Variants in SDCCAG8 observed in about 807,000 individuals in gnomAD.
SDCCAG8 encodes serologically defined colon cancer antigen 8.
SDCCAG8 carries 74 observed loss-of-function variants against 101.8 expected under a neutral mutation model. The observed-to-expected ratio is 0.73, with a 90% confidence interval of 0.60 to 0.88. The LOEUF (loss-of-function observed/expected upper bound fraction) is 0.88. Among genes scored for constraint, SDCCAG8 ranks in the 40% least tolerant of loss-of-function variants. The pLI, the probability that SDCCAG8 is intolerant of heterozygous loss-of-function variation, is 0.00. For synonymous variants in SDCCAG8, 281 were observed against 292.9 expected (o/e 0.96, Z 0.41); for missense variants, 787 against 822.6 (o/e 0.96, Z 0.53).
Position 243,332,454 on chromosome 1 carries a change from GTCTGGAGGTGATTATCATAATCCCCC to G in SDCCAG8, c.1221+1786_1221+1811del, listed in dbSNP as rs1460055115. 2.4e-4 allele frequency among the ~76,000 whole-genome samples: 37 copies of G among 151,714 alleles called. No individual in the cohort carries two copies. In the South Asian group the frequency reaches 5.4e-3, roughly 22 times the overall value. On this transcript the variant is annotated intron_variant, in intron 10 of 17. Transcript: ENST00000366541. ...GGTCTGGAGGTGACTCACAGTCCAGGTCTGGAGGTGATTATCATAATCCCCCTCTGGAGGTGATTATCATAATCCAG... is the reference window on the plus strand; with the variant it reads ...GGTCTGGAGGTGACTCACAGTCCAGGTCTGGAGGTGATTATCATAATCCAG...
chr1:243,281,049 C>T (rs1384525357), intron 4 of SDCCAG8, among the ~76,000 whole-genome samples: 1 of 152,100 alleles, frequency 6.6e-6, no homozygotes, highest in Non-Finnish European at 1.5e-5. Flanking sequence ...CATTTTGATA[C>T]ACTTTTATTA....
intron 6 of SDCCAG8, among the ~76,000 whole-genome samples, chr1:243,298,486 T>C (rs2071185443): frequency 6.6e-6 from 1 of 150,418 alleles, no homozygotes. Context: ...GCCAGCTAAC[T>C]TTGTATTTTT....
chr1:243,466,501 A>G lies in SDCCAG8; in HGVS notation c.1986-22513A>G, dbSNP rs371853733. Reference sequence around the variant, plus strand: ...GTGCTATGCGATTTTAGGGCAAGCTACTTAACATGGGAGTAAACTTCTTCA... The same window carrying G: ...GTGCTATGCGATTTTAGGGCAAGCTGCTTAACATGGGAGTAAACTTCTTCA... On this transcript the variant is annotated intron_variant, in intron 16 of 17. Transcript: ENST00000366541. Among the ~76,000 whole-genome samples, 187 of 152,358 alleles carry G rather than the reference A, an allele frequency of 1.2e-3. 1 individual carries two copies. The highest frequency in any genetic ancestry group is 4.3e-3 in the African/African-American group (179 of 41,588).
At chr1:243,334,173 T>C (rs1442699072) in intron 10 of SDCCAG8, among the ~76,000 whole-genome samples, 1 of 152,176 alleles carries the variant, frequency 6.6e-6, no homozygotes, top group Non-Finnish European at 1.5e-5. Context: ...TCTATCCTAC[T>C]GCTACCATAT....
intron 2 of SDCCAG8, 77 bp from the exon 3 acceptor site, chr1:243,270,901 A>G (rs2068028303): frequency 1.0e-6 from 1 of 1,004,614 alleles, no homozygotes; most frequent in African/African-American, 1.6e-5. Context: ...AATTTTTATT[A>G]GTTGGAAGGA....
At position 243,274,673 on chromosome 1, in the gene SDCCAG8, G is replaced by T; in HGVS notation, c.420+17G>T. 1 of 1,416,054 alleles carries T rather than the reference G, an allele frequency of 7.1e-7. No homozygotes were observed. Among genetic ancestry groups the T allele is most frequent in the South Asian group, 1.2e-5 (1 of 86,540 alleles). 87.7% of individuals were successfully genotyped at this position (1,416,054 alleles called of 1,614,324 possible). On this transcript the variant is annotated intron_variant, in intron 4 of 17. Coordinates refer to ENST00000366541, the MANE Select transcript of SDCCAG8 (RefSeq NM_006642.5). Reference sequence around the variant, plus strand: ...TTCTGCAAGGTAAGTTTCTCATTAAGAATTTAAAACTAAATAAATGAAAGC... The same window carrying T: ...TTCTGCAAGGTAAGTTTCTCATTAATAATTTAAAACTAAATAAATGAAAGC...
At chr1:243,321,727 G>A (rs893053888) in intron 9 of SDCCAG8, among the ~76,000 whole-genome samples, 3 of 152,050 alleles carry the variant, frequency 2.0e-5, no homozygotes, top group African/African-American at 7.2e-5. Flanking sequence ...TTGGTTCACT[G>A]TAACCTCCGC....
rs1216582108 is a variant in SDCCAG8 at position 243,273,354 on chromosome 1, T to A, written c.307-1189T>A. Among the ~76,000 whole-genome samples, 3 of 152,308 alleles carry A rather than the reference T, an allele frequency of 2.0e-5. No individual in the cohort carries two copies. In the East Asian group the frequency reaches 5.8e-4, roughly 29 times the overall value. Reference sequence around the variant, plus strand: ...GACCCTTGTTTTACCTTTTCCTGATTTCCTCATCCTTTAAAAAAAAAATTA... The same window carrying A: ...GACCCTTGTTTTACCTTTTCCTGATATCCTCATCCTTTAAAAAAAAAATTA... On this transcript the variant is annotated intron_variant, in intron 3 of 17. Transcript: ENST00000366541.
chr1:243,358,461 C>A (rs980802245), intron 12 of SDCCAG8, among the ~76,000 whole-genome samples: 1 of 152,034 alleles, frequency 6.6e-6, no homozygotes, highest in Non-Finnish European at 1.5e-5. Flanking sequence ...CAGATAATAA[C>A]AAGTGTCGGT....
chr1:243,278,208 G>A (rs191370602), intron 4 of SDCCAG8, among the ~76,000 whole-genome samples: 1 of 152,122 alleles, frequency 6.6e-6, no homozygotes, highest in East Asian at 1.9e-4. Context: ...TACAAATTTT[G>A]TGAGATTTAT....
At chr1:243,452,717 G>A (rs946498416) in intron 16 of SDCCAG8, among the ~76,000 whole-genome samples, 13 of 152,064 alleles carry the variant, frequency 8.5e-5, no homozygotes, top group Admixed American at 3.3e-4. Flanking sequence ...GTGAACCACC[G>A]TGCCCAGCCT....
chr1:243,435,364 T>G (rs1267194741), intron 16 of SDCCAG8, among the ~76,000 whole-genome samples: 1 of 152,174 alleles, frequency 6.6e-6, no homozygotes, highest in Non-Finnish European at 1.5e-5. Flanking sequence ...GAAAACTGCC[T>G]AAAATAATCC....
intron 16 of SDCCAG8, among the ~76,000 whole-genome samples, chr1:243,434,578 T>C (rs1341801557): frequency 6.6e-6 from 1 of 152,170 alleles, no homozygotes; most frequent in Non-Finnish European, 1.5e-5. Flanking sequence ...ATCTAAGGGG[T>C]CTAACAACAG....
intron 5 of SDCCAG8, among the ~76,000 whole-genome samples, chr1:243,289,621 A>C (rs2070015800): frequency 6.6e-6 from 1 of 152,210 alleles, no homozygotes; most frequent in African/African-American, 2.4e-5. Flanking sequence ...CTCTGTTTTC[A>C]GAGGAGTAAA....
At chr1:243,352,291 C>A (rs961617612) in intron 12 of SDCCAG8, among the ~76,000 whole-genome samples, 1 of 152,164 alleles carries the variant, frequency 6.6e-6, no homozygotes, top group African/African-American at 2.4e-5. Context: ...AAATATTTGC[C>A]TTTGGATGGG....
In SDCCAG8 at chr1:243,256,055, TG is replaced by T; in HGVS notation, c.-118del. On this transcript the variant is annotated 5_prime_UTR_variant, in exon 1 of 18. Transcript: ENST00000366541. ...CTCTGTGCGGGATTCTAGGCTCCCC[TG>T]TGACAGCCGCGGCAGGAAGCAGGCG... 1.1e-6 allele frequency: 1 copy of T among 933,170 alleles called. No homozygotes were observed. Among genetic ancestry groups the T allele is most frequent in the East Asian group, 2.4e-5 (1 of 41,804 alleles). The allele number at this position is 933,170 out of a possible 1,614,324, so 57.8% of individuals were successfully genotyped here.
At chr1:243,495,763 TCTC>T (rs964458250) in intron 17 of SDCCAG8, among the ~76,000 whole-genome samples, 13 of 152,186 alleles carry the variant, frequency 8.5e-5, no homozygotes, top group African/African-American at 3.1e-4. Context: ...AGGGCACCTC[TCTC>T]CTCAGTGCGT....
At chr1:243,261,314 C>T (rs191327067) in intron 1 of SDCCAG8, among the ~76,000 whole-genome samples, 30 of 151,788 alleles carry the variant, frequency 2.0e-4, no homozygotes, top group African/African-American at 6.6e-4. Context: ...CTTCCATCAG[C>T]ACTTGTTTGG....
At chr1:243,441,696 C>T (rs2082545537) in intron 16 of SDCCAG8, among the ~76,000 whole-genome samples, 2 of 152,072 alleles carry the variant, frequency 1.3e-5, no homozygotes, top group African/African-American at 4.8e-5. Context: ...AATATAGGTA[C>T]AGATATATCA....
Sources: allele counts gnomAD v4.1 joint callset (sites outside exome capture counted in the v4.1 genomes callset), GRCh38; gene constraint gnomAD v4.1.1; transcripts MANE v1.5; gene names NCBI Gene and HGNC (gene_info 2026-07-23, HGNC 2026-07-21).